Variants in HCFC1 observed in about 807,000 individuals in gnomAD.
HCFC1 encodes the protein host cell factor 1.
A neutral mutation model predicts 105.5 loss-of-function variants in HCFC1; 7 were observed. The ratio of observed to expected loss-of-function variants is 0.07; its 90% CI spans 0.04 to 0.12. The LOEUF (loss-of-function observed/expected upper bound fraction) is 0.12. HCFC1 is among the 10% of genes least tolerant of loss of function. The probability of loss-of-function intolerance (pLI) is 1.00; values close to 1 mark genes in which losing one functional copy is unlikely to be tolerated. For synonymous variants in HCFC1, 918 were observed against 828.1 expected (o/e 1.11, Z -1.86); for missense variants, 1,065 against 1,823.6 (o/e 0.58, Z 7.58).
At position 153,955,394 on chromosome X, in the gene HCFC1, C is replaced by T. The variant is rs2065365268; in HGVS notation, c.3005G>A (p.Gly1002Asp). The change falls in exon 17 of 26, where the codon GGT becomes GAT. Residue 1002 changes from glycine (G) to aspartate (D), a missense_variant. By Grantham distance (94) the Gly-to-Asp change is moderately conservative. This residue lies in a region of HCFC1 where 546 missense variants were observed against 599.9 expected (regional missense o/e 0.91). Transcript: ENST00000310441. ...GGTGACAGTGCCAGGCTGCACATCA[C>T]CCTGGCCTGAGTCGGCGATGGTAAC... ...ATVTIADSGQGDVQPGTVTLV... is the reference protein window; with the variant it reads ...ATVTIADSGQDDVQPGTVTLV... The T allele has an allele frequency of 8.3e-7, 1 of 1,211,155 alleles. No homozygotes were observed. Among genetic ancestry groups the T allele is most frequent in the Non-Finnish European group, 1.1e-6 (1 of 894,988 alleles).
intron 13 of HCFC1, 69 bp downstream of exon 13, chrX:153,957,245 T>G: frequency 9.7e-7 from 1 of 1,026,310 alleles, no homozygotes; most frequent in Non-Finnish European, 1.3e-6. Context: ...CAGCACGCCT[T>G]ATAACCCGGA....
chrX:153,962,207 T>G lies in HCFC1; in HGVS notation c.797+15A>C. The G allele has an allele frequency of 8.4e-7, 1 of 1,187,332 alleles. No individual in the cohort carries two copies. Among genetic ancestry groups the G allele is most frequent in the Non-Finnish European group, 1.1e-6 (1 of 874,079 alleles). On this transcript the variant is annotated intron_variant, in intron 5 of 25. Coordinates refer to ENST00000310441, the MANE Select transcript of HCFC1 (RefSeq NM_005334.3). ...CCAGTCTAGAGAAGAGAGACGCAGG[T>G]GAGCAGCCACTTACTTATTTCCGAT...
chrX:153,952,154 G>A lies in HCFC1; in HGVS notation c.4947C>T (p.Thr1649=), dbSNP rs1422949741. The A allele has an allele frequency of 1.4e-5, 15 of 1,110,162 alleles. No individual in the cohort carries two copies. Among genetic ancestry groups the A allele is most frequent in the South Asian group, 1.3e-4 (6 of 44,779 alleles). 91.5% of individuals were successfully genotyped at this position (1,110,162 alleles called of 1,213,427 possible). A position where few individuals can be genotyped will look rare whatever the true frequency, so the allele number is the denominator to read the frequency against. ...LQAAQQAVMG[T]GEPMDTSEAA... is the part of the protein sequence containing the mutation. The stretch of plus-strand genomic sequence containing the variant: ...CCTCGGAGGTGTCCATGGGCTCGCC[G>A]GTGCCTGCTCCAGGGTCGAGAGAAA... Residue 1649 remains threonine (T), a synonymous_variant, in exon 20 of 26, where the codon ACC becomes ACT. Coordinates refer to ENST00000310441, the MANE Select transcript of HCFC1 (RefSeq NM_005334.3).
rs782155042 is a variant in HCFC1 at position 153,952,821 on chromosome X, G to C, written c.4635C>G (p.Ala1545=). The part of the protein sequence containing the change: ...LSASQTPELP[A]AVDLSSTGEP... Reference sequence around the variant, plus strand: ...CCCCTGTGCTGCTCAGATCCACGGCGGCCGGGAGCTCAGGGGTCTGGGAGG... The same window carrying C: ...CCCCTGTGCTGCTCAGATCCACGGCCGCCGGGAGCTCAGGGGTCTGGGAGG... Residue 1545 remains alanine, a synonymous_variant, in exon 19 of 26, where the codon GCC becomes GCG. Coordinates refer to ENST00000310441, the MANE Select transcript of HCFC1 (RefSeq NM_005334.3). 5 of 1,197,359 alleles carry C rather than the reference G, an allele frequency of 4.2e-6. No individual in the cohort carries two copies. The South Asian group carries it at 9.0e-5, about 22-fold the overall frequency.
rs1205973301 is a variant in HCFC1, at chrX:153,947,808, C to T, written c.*1539G>A. 1 of 111,357 alleles carries T rather than the reference C, an allele frequency of 9.0e-6. No homozygotes were observed. Among genetic ancestry groups the T allele is most frequent in the Non-Finnish European group, 1.9e-5 (1 of 52,993 alleles). 9.2% of individuals were successfully genotyped at this position (111,357 alleles called of 1,213,427 possible). On this transcript the variant is annotated 3_prime_UTR_variant, in exon 26 of 26. Transcript: ENST00000310441. Reference sequence around the variant, plus strand: ...AACAAACCAGAGGCCCTGGAGGACACAGGCTGCTGCGTCTCCAGGCAGAGG... The same window carrying T: ...AACAAACCAGAGGCCCTGGAGGACATAGGCTGCTGCGTCTCCAGGCAGAGG...
At chrX:153,956,518 G>A (rs1343039229) in intron 15 of HCFC1, 107 bp from the exon 16 acceptor site, 4 of 1,117,247 alleles carry the variant, frequency 3.6e-6, no homozygotes, top group Middle Eastern at 2.5e-4. Flanking sequence ...TAGAAGGCTC[G>A]GGAGAGAGGA....
Position 153,953,676 on chromosome X carries a change from C to T in HCFC1, c.4428G>A (p.Val1476=), listed in dbSNP as rs2065338280. ...ITSSSAITTT[V]SSTLTRAVTT... ...TCACAGCCCGCGTCAGTGTGGAGGA[C>T]ACGGTTGTCGTGATGGCACTGGAGC... is the stretch of plus-strand genomic sequence containing the variant. Residue 1476 remains valine (V), a synonymous_variant, in exon 18 of 26, where the codon GTG becomes GTA. Transcript: ENST00000310441. 8.3e-7 allele frequency: 1 copy of T among 1,211,016 alleles called. No homozygotes were observed. Among genetic ancestry groups the T allele is most frequent in the South Asian group, 1.8e-5 (1 of 56,988 alleles).
rs3027891 is a variant in HCFC1, at chrX:153,959,026, C to T, written c.1606-260G>A. 0.023 allele frequency among the ~76,000 whole-genome samples: 2,544 copies of T among 113,040 alleles called. 73 individuals are homozygous for T. Among genetic ancestry groups the T allele is most frequent in the African/African-American group, 0.077 (2,409 of 31,123 alleles). Reference sequence around the variant, plus strand: ...TCCTTTCTAAAGACCAGAGTCAGGTCCCGTTGATTCTCATGGGCCTGTGGC... The same window carrying T: ...TCCTTTCTAAAGACCAGAGTCAGGTTCCGTTGATTCTCATGGGCCTGTGGC... On this transcript the variant is annotated intron_variant, in intron 9 of 25. Coordinates refer to ENST00000310441, the MANE Select transcript of HCFC1 (RefSeq NM_005334.3).
Position 153,954,142 on chromosome X carries a change from G to T in HCFC1, c.4257C>A (p.Asn1419Lys). Reference sequence around the variant, plus strand: ...CCGTCTCGTGGGTCTCACAGGGGGGGTTGGAGCACACCCTCTGTGTTGGGA... The same window carrying T: ...CCGTCTCGTGGGTCTCACAGGGGGGTTTGGAGCACACCCTCTGTGTTGGGA... ...APFPTQRVCS[N>K]PPCETHETGT... is the part of the protein sequence containing the mutation. Residue 1419 changes from asparagine (N) to lysine (K), a missense_variant, in exon 17 of 26, where the codon AAC (asparagine) becomes AAA (lysine). Physicochemically the swap from Asn to Lys is moderately conservative, Grantham distance 94. This residue lies in a region of HCFC1 where 546 missense variants were observed against 599.9 expected (regional missense o/e 0.91). Transcript: ENST00000310441. 1 of 1,210,570 alleles carries T rather than the reference G, an allele frequency of 8.3e-7. No individual in the cohort carries two copies. Among genetic ancestry groups the T allele is most frequent in the Non-Finnish European group, 1.1e-6 (1 of 894,872 alleles).
rs782124849 is a variant in HCFC1, at chrX:153,967,977, C to T, written c.193+2671G>A. Among the ~76,000 whole-genome samples the T allele has an allele frequency of 7.5e-4, 84 of 111,646 alleles. 1 individual carries two copies. Among genetic ancestry groups the T allele is most frequent in the South Asian group, 4.1e-3 (11 of 2,658 alleles). Reference sequence around the variant, plus strand: ...AGAACGGCCTCTATGAAGGTTTGCACTCCCGCCCAACTCCGCCACCAGCTG... The same window carrying T: ...AGAACGGCCTCTATGAAGGTTTGCATTCCCGCCCAACTCCGCCACCAGCTG... On this transcript the variant is annotated intron_variant, in intron 1 of 25. Transcript: ENST00000310441.
At chrX:153,965,931 C>T (rs1431877630) in intron 1 of HCFC1, among the ~76,000 whole-genome samples, 1 of 112,250 alleles carries the variant, frequency 8.9e-6, no homozygotes, top group East Asian at 2.8e-4. Flanking sequence ...CACTCTGGTC[C>T]CACCCAGTCT....
rs868975122 is a variant in HCFC1, at chrX:153,954,983, C to T, written c.3416G>A (p.Cys1139Tyr). ...ANHQRDARRA[C>Y]AAGTPAVIRI... is the part of the protein sequence containing the mutation. ...GATCACGGCAGGGGTGCCAGCTGCA[C>T]AGGCCCGACGGGCATCTCGCTGGTG... The change falls in exon 17 of 26, where the codon TGT becomes TAT. Residue 1139 changes from cysteine to tyrosine, a missense_variant. Coordinates refer to ENST00000310441, the MANE Select transcript of HCFC1 (RefSeq NM_005334.3). 1.7e-6 allele frequency: 2 copies of T among 1,204,970 alleles called. No homozygotes were observed. Among genetic ancestry groups the T allele is most frequent in the African/African-American group, 3.5e-5 (2 of 57,832 alleles).
Position 153,960,006 on chromosome X carries a change from G to T in HCFC1, c.1240C>A (p.Pro414Thr). 8.3e-7 allele frequency: 1 copy of T among 1,211,711 alleles called. No individual in the cohort carries two copies. Among genetic ancestry groups the T allele is most frequent in the Non-Finnish European group, 1.1e-6 (1 of 895,328 alleles). ...ATAATATSPT[P>T]NPVPSVPANP... ...GCAGGCACAGATGGGACCGGATTGG[G>T]TGTAGGGGAGGTGGCAGTAGCAGCC... Residue 414 changes from proline (P) to threonine (T), a missense_variant, in exon 8 of 26, where the codon CCC becomes ACC. By Grantham distance (38) the Pro-to-Thr change is conservative (BLOSUM62 -1). Around this residue, in one of 17 missense-constraint regions of HCFC1, gnomAD observed 101 missense variants for 155.1 expected, o/e 0.65. Coordinates refer to ENST00000310441, the MANE Select transcript of HCFC1 (RefSeq NM_005334.3).
At chrX:153,962,498 G>A (rs1156680841) in intron 4 of HCFC1, among the ~76,000 whole-genome samples, 192 bp from the exon 5 acceptor site, 1 of 112,084 alleles carries the variant, frequency 8.9e-6, no homozygotes, top group African/African-American at 3.2e-5. Context: ...AGGCGGTTTC[G>A]ACCAGGCTAG....
In HCFC1 at chrX:153,952,947, T is replaced by A. The variant is rs782765878; in HGVS notation, c.4509A>T (p.Glu1503Asp). The part of the protein sequence containing the change: ...VPGPSVPPPE[E>D]LQVSPGPRQQ... ...GGCGAGGACCTGGCGACACCTGGAG[T>A]TCCTCTGGGGGCTGCAGGATGTCAA... The change falls in exon 19 of 26, where the codon GAA (glutamate) becomes GAT (aspartate). Residue 1503 changes from glutamate (E) to aspartate (D), a missense_variant. Transcript: ENST00000310441. 1 of 1,172,126 alleles carries A rather than the reference T, an allele frequency of 8.5e-7. No individual in the cohort carries two copies.
At position 153,947,834 on chromosome X, in the gene HCFC1, T is replaced by G. The variant is rs2065269839; in HGVS notation, c.*1513A>C. 1 of 109,812 alleles carries G rather than the reference T, an allele frequency of 9.1e-6. No homozygotes were observed. Among genetic ancestry groups the G allele is most frequent in the Non-Finnish European group, 1.9e-5 (1 of 52,488 alleles). 9.0% of individuals were successfully genotyped at this position (109,812 alleles called of 1,213,427 possible). Reference sequence around the variant, plus strand: ...AGGCTGCTGCGTCTCCAGGCAGAGGTCGGTAGGGGAGGGCTGGAAAGATTG... The same window carrying G: ...AGGCTGCTGCGTCTCCAGGCAGAGGGCGGTAGGGGAGGGCTGGAAAGATTG... On this transcript the variant is annotated 3_prime_UTR_variant, in exon 26 of 26. Coordinates refer to ENST00000310441, the MANE Select transcript of HCFC1 (RefSeq NM_005334.3).
rs1391558635 is a variant in HCFC1, at chrX:153,948,583, CCA to C, written c.*762_*763del. On this transcript the variant is annotated 3_prime_UTR_variant, in exon 26 of 26. Transcript: ENST00000310441. ...ACAACAACAAAAAAGGGACAAAACC[CCA>C]CACGCTAAAATTACAATGAAAGTGT... 5.3e-5 allele frequency: 6 copies of C among 113,335 alleles called. No individual in the cohort carries two copies. The highest frequency in any genetic ancestry group is 7.5e-5 in the Non-Finnish European group (4 of 53,365). 9.3% of individuals were successfully genotyped at this position (113,335 alleles called of 1,213,427 possible).
Position 153,949,098 on chromosome X carries a change from G to A in HCFC1, c.*249C>T, listed in dbSNP as rs782677123. The A allele has an allele frequency of 9.4e-4, 293 of 310,053 alleles. 1 individual carries two copies. Among genetic ancestry groups the A allele is most frequent in the Non-Finnish European group, 1.4e-3 (252 of 177,649 alleles). 25.6% of individuals were successfully genotyped at this position (310,053 alleles called of 1,213,427 possible). A position where few individuals can be genotyped will look rare whatever the true frequency, so the allele number is the denominator to read the frequency against. ...GTCTCTCCCCAGGGTGGGCGGCAGCGGGGAGGAAAGGAAGCGCGCTCCTCT... is the reference window on the plus strand; with the variant it reads ...GTCTCTCCCCAGGGTGGGCGGCAGCAGGGAGGAAAGGAAGCGCGCTCCTCT... On this transcript the variant is annotated 3_prime_UTR_variant, in exon 26 of 26. Coordinates refer to ENST00000310441, the MANE Select transcript of HCFC1 (RefSeq NM_005334.3).
Position 153,951,848 on chromosome X carries a change from G to A in HCFC1, c.5253C>T (p.Ala1751=). Residue 1751 remains alanine, a synonymous_variant, in exon 20 of 26, where the codon GCC becomes GCT. Coordinates refer to ENST00000310441, the MANE Select transcript of HCFC1 (RefSeq NM_005334.3). Reference sequence around the variant, plus strand: ...TCGCCCTCAGTCGCTTACTCTCAGTGGCCGTTGAGGGCAGCAGCGCCACAG... The same window carrying A: ...TCGCCCTCAGTCGCTTACTCTCAGTAGCCGTTGAGGGCAGCAGCGCCACAG... The part of the protein sequence containing the change: ...PSTVALLPST[A]TESLAPSNTF... The A allele has an allele frequency of 1.7e-6, 2 of 1,191,635 alleles. No individual in the cohort carries two copies. Among genetic ancestry groups the A allele is most frequent in the Non-Finnish European group, 2.3e-6 (2 of 884,192 alleles).
Sources: allele counts gnomAD v4.1 joint callset (sites outside exome capture counted in the v4.1 genomes callset), GRCh38; gene constraint gnomAD v4.1.1; regional missense constraint gnomAD v4.1.1; transcripts MANE v1.5; gene names NCBI Gene and HGNC (gene_info 2026-07-23, HGNC 2026-07-21).